The following KCNQ3 variants were observed in gnomAD, a reference collection of about 807,000 sequenced individuals.
KCNQ3 encodes the protein potassium voltage-gated channel subfamily KQT member 3.
A neutral mutation model predicts 92.5 loss-of-function variants in KCNQ3; 30 were observed. The observed-to-expected ratio is 0.32, with a 90% CI of 0.24 to 0.44. KCNQ3 has a LOEUF of 0.44. Ranked by LOEUF, KCNQ3 falls within the 20% of genes least tolerant of loss-of-function variation. The pLI is 1.00. For missense variants in KCNQ3, 913 were observed against 1,140.3 expected (o/e 0.80, Z 2.87); for synonymous variants, 450 against 468.8 (o/e 0.96, Z 0.52).
At position 132,212,522 on chromosome 8, in the gene KCNQ3, C is replaced by T. The variant is rs984879845; in HGVS notation, c.387-26341G>A. On this transcript the variant is annotated intron_variant, in intron 1 of 14. Transcript: ENST00000388996. ...TGACTTTCAAGCATCTTTACCATCC[C>T]GATCATTCTCTTCGGGACATGTCCC... Among the ~76,000 whole-genome samples, 18 of 151,898 alleles carry T rather than the reference C, an allele frequency of 1.2e-4. 1 individual carries two copies. Among genetic ancestry groups the T allele is most frequent in the Non-Finnish European group, 1.6e-4 (11 of 67,976 alleles).
intron 1 of KCNQ3, among the ~76,000 whole-genome samples, chr8:132,467,849 C>T (rs1822208698): frequency 6.6e-6 from 1 of 152,222 alleles, no homozygotes; most frequent in South Asian, 2.1e-4. Flanking sequence ...CAAGACTCTT[C>T]TGATGGCACA....
chr8:132,385,757 A>T (rs1819873876), intron 1 of KCNQ3, among the ~76,000 whole-genome samples: 2 of 152,186 alleles, frequency 1.3e-5, no homozygotes, highest in Admixed American at 1.3e-4. Context: ...ACAAAGTTAC[A>T]GTTAGAAGGA....
At chr8:132,271,391 C>T (rs2130499634) in intron 1 of KCNQ3, among the ~76,000 whole-genome samples, 1 of 152,318 alleles carries the variant, frequency 6.6e-6, no homozygotes, top group Non-Finnish European at 1.5e-5. Flanking sequence ...AAAAGATGGG[C>T]TTCTTCTATG....
At position 132,140,112 on chromosome 8, in the gene KCNQ3, A is replaced by G. The variant is rs1215304304; in HGVS notation, c.1532T>C (p.Met511Thr). 1 of 1,610,188 alleles carries G rather than the reference A, an allele frequency of 6.2e-7. No homozygotes were observed. Among genetic ancestry groups the G allele is most frequent in the African/African-American group, 1.3e-5 (1 of 74,930 alleles). ...GATGGCGGCCTTCAGGGTGGGGATC[A>G]TGTCTTCGATGGGGAAGTCATTCCC... is the stretch of plus-strand genomic sequence containing the variant. ...GYGNDFPIED[M>T]IPTLKAAIRA... The change falls in exon 11 of 15, where the codon ATG becomes ACG. Residue 511 changes from methionine (M) to threonine (T), a missense_variant. Physicochemically the swap from Met to Thr is moderately conservative, Grantham distance 81 (BLOSUM62 -1). This residue lies in a region of KCNQ3 where 182 missense variants were observed against 234.5 expected (regional missense o/e 0.78). Transcript: ENST00000388996.
At chr8:132,147,073 C>T (rs1036044626) in intron 9 of KCNQ3, among the ~76,000 whole-genome samples, 1 of 152,054 alleles carries the variant, frequency 6.6e-6, no homozygotes, top group East Asian at 1.9e-4. Context: ...GAGAAGGGAT[C>T]CATGGGAAGC....
At chr8:132,405,818 A>C (rs1820461875) in intron 1 of KCNQ3, among the ~76,000 whole-genome samples, 1 of 152,198 alleles carries the variant, frequency 6.6e-6, no homozygotes, top group Non-Finnish European at 1.5e-5. Flanking sequence ...GTGACATTGC[A>C]ACAAAGATGG....
At chr8:132,132,045 G>A (rs978684884) in intron 14 of KCNQ3, 135 bp downstream of exon 14, 21 of 674,240 alleles carry the variant, frequency 3.1e-5, no homozygotes, top group African/African-American at 1.1e-4. Context: ...TCAAGATCGC[G>A]CCATTGCACT....
At chr8:132,385,612 C>T (rs934002458) in intron 1 of KCNQ3, among the ~76,000 whole-genome samples, 2 of 152,146 alleles carry the variant, frequency 1.3e-5, no homozygotes, top group Non-Finnish European at 2.9e-5. Context: ...TCCTCCCCTG[C>T]TCTTCCCCTT....
chr8:132,432,896 A>G (rs560338190), intron 1 of KCNQ3, among the ~76,000 whole-genome samples: 1 of 152,346 alleles, frequency 6.6e-6, no homozygotes, highest in African/African-American at 2.4e-5. Context: ...CAAATGCCCC[A>G]GTTCATGCTA....
chr8:132,140,852 C>CG (rs1175818550), intron 10 of KCNQ3: 18 of 478,390 alleles, frequency 3.8e-5, no homozygotes, highest in Admixed American at 1.4e-4. Flanking sequence ...AATCATGGGG[C>CG]GGGGGGTCGG....
chr8:132,441,173 A>C (rs1420266386), intron 1 of KCNQ3, among the ~76,000 whole-genome samples: 1 of 152,256 alleles, frequency 6.6e-6, no homozygotes, highest in Non-Finnish European at 1.5e-5. Flanking sequence ...CCTCAAAAGT[A>C]GGTTGATGCC....
intron 1 of KCNQ3, among the ~76,000 whole-genome samples, chr8:132,298,852 G>C (rs1261052620): frequency 6.6e-6 from 1 of 152,138 alleles, no homozygotes; most frequent in Non-Finnish European, 1.5e-5. Flanking sequence ...AGGTTGCAGT[G>C]AGCCGAGATG....
Position 132,129,642 on chromosome 8 carries a change from C to A in KCNQ3, c.2239G>T (p.Val747Phe), listed in dbSNP as rs1563761711. 1.9e-6 allele frequency: 3 copies of A among 1,614,120 alleles called. No homozygotes were observed. Among genetic ancestry groups the A allele is most frequent in the Middle Eastern group, 1.6e-4 (1 of 6,062 alleles). ...TCGAGAAGAGTCAAGATAGGCAGGA[C>A]CGTGGGCCTCTCCACATACGTTGTT... is the stretch of plus-strand genomic sequence containing the variant. ...SATTYVERPT[V>F]LPILTLLDSR... The change falls in exon 15 of 15, where the codon GTC (valine) becomes TTC (phenylalanine). Residue 747 changes from valine to phenylalanine, a missense_variant. Coordinates refer to ENST00000388996, the MANE Select transcript of KCNQ3 (RefSeq NM_004519.4). The surrounding 1 kb of genome is among the most constrained non-coding windows in gnomAD (Gnocchi z 5.9).
At chr8:132,448,068 G>A (rs1171877979) in intron 1 of KCNQ3, among the ~76,000 whole-genome samples, 4 of 152,144 alleles carry the variant, frequency 2.6e-5, no homozygotes, top group African/African-American at 9.7e-5. Context: ...AAATGCAAAT[G>A]CTCAATAAAC....
intron 1 of KCNQ3, among the ~76,000 whole-genome samples, chr8:132,233,054 C>T (rs1472171591): frequency 6.6e-6 from 1 of 152,134 alleles, no homozygotes; most frequent in Non-Finnish European, 1.5e-5. Context: ...TATCTTGCCA[C>T]GTGAGAAAAA....
At chr8:132,161,216 G>C (rs1481412238) in intron 9 of KCNQ3, among the ~76,000 whole-genome samples, 1 of 152,128 alleles carries the variant, frequency 6.6e-6, no homozygotes, top group African/African-American at 2.4e-5. Flanking sequence ...TATAGCACCA[G>C]CATGTTAAGT....
At chr8:132,247,765 T>A (rs1358933119) in intron 1 of KCNQ3, among the ~76,000 whole-genome samples, 2 of 149,066 alleles carry the variant, frequency 1.3e-5, no homozygotes, top group Non-Finnish European at 3.0e-5. Flanking sequence ...GCCACTGCAC[T>A]CCAGCCTGGG....
At chr8:132,348,209 GA>G (rs200552481) in intron 1 of KCNQ3, among the ~76,000 whole-genome samples, 5 of 148,704 alleles carry the variant, frequency 3.4e-5, no homozygotes, top group African/African-American at 7.4e-5. Context: ...AGCTGCTAAT[GA>G]AAAAAAAAAT....
intron 1 of KCNQ3, among the ~76,000 whole-genome samples, chr8:132,456,602 T>A (rs930046310): frequency 8.1e-6 from 1 of 122,764 alleles, no homozygotes; most frequent in Admixed American, 7.5e-5. Flanking sequence ...ATTTTTTTTT[T>A]ATTTTATTTA....
Sources: allele counts gnomAD v4.1 joint callset (sites outside exome capture counted in the v4.1 genomes callset), GRCh38; gene constraint gnomAD v4.1.1; regional missense constraint gnomAD v4.1.1; non-coding constraint Gnocchi (gnomAD v3.1); transcripts MANE v1.5; gene names NCBI Gene and HGNC (gene_info 2026-07-23, HGNC 2026-07-21).